Variants in C8orf34 observed in about 807,000 individuals in gnomAD.
The protein encoded by C8orf34 is uncharacterized protein C8orf34.
C8orf34 carries 65 observed loss-of-function variants against 68.3 expected under a neutral mutation model. The observed-to-expected ratio is 0.95, with a 90% confidence interval of 0.78 to 1.17. The LOEUF (loss-of-function observed/expected upper bound fraction) is 1.17, where lower values mean the gene tolerates loss of function less well. Among genes scored for constraint, C8orf34 ranks in the 50% most tolerant of loss-of-function variants. The probability of loss-of-function intolerance (pLI) is 0.00; values close to 1 mark genes in which losing one functional copy is unlikely to be tolerated. For missense variants in C8orf34, 664 were observed against 655.4 expected (o/e 1.01, Z -0.14); for synonymous variants, 244 against 241.2 (o/e 1.01, Z -0.11).
chr8:68,713,496 G>T (rs113625855), intron 9 of C8orf34, among the ~76,000 whole-genome samples: 1 of 151,860 alleles, frequency 6.6e-6, no homozygotes, highest in Non-Finnish European at 1.5e-5. Context: ...CCACAGAAAC[G>T]CAAAAGATTA....
chr8:68,576,494 T>A (rs1481347139), intron 7 of C8orf34, among the ~76,000 whole-genome samples: 1 of 151,680 alleles, frequency 6.6e-6, no homozygotes, highest in Non-Finnish European at 1.5e-5. Context: ...TTAGTTACTT[T>A]TTCTCAGCTA....
At chr8:68,497,833 G>A (rs1415953186) in intron 5 of C8orf34, among the ~76,000 whole-genome samples, 6 of 151,840 alleles carry the variant, frequency 4.0e-5, no homozygotes, top group Admixed American at 1.3e-4. Flanking sequence ...TCTATTTTTG[G>A]GGGGAGATGG....
chr8:68,567,313 T>C (rs1586384880), intron 7 of C8orf34, among the ~76,000 whole-genome samples: 3 of 152,258 alleles, frequency 2.0e-5, no homozygotes, highest in African/African-American at 7.2e-5. Flanking sequence ...CTGCTTGTTA[T>C]TGGTCTGTTC....
chr8:68,672,698 G>C (rs1235268028), intron 8 of C8orf34, among the ~76,000 whole-genome samples: 1 of 152,166 alleles, frequency 6.6e-6, no homozygotes, highest in African/African-American at 2.4e-5. Context: ...TAGGCTACAA[G>C]AATGACAATT....
intron 11 of C8orf34, among the ~76,000 whole-genome samples, chr8:68,780,050 T>C (rs137855394): frequency 6.6e-6 from 1 of 152,306 alleles, no homozygotes; most frequent in Non-Finnish European, 1.5e-5. Context: ...CTCACTTACA[T>C]AGTCATAAAG....
At chr8:68,748,839 G>A (rs1392563983) in intron 10 of C8orf34, among the ~76,000 whole-genome samples, 1 of 152,180 alleles carries the variant, frequency 6.6e-6, no homozygotes, top group African/African-American at 2.4e-5. Context: ...CAATTCCTCA[G>A]GGATCTAGAA....
At chr8:68,565,420 T>C (rs915066457) in intron 7 of C8orf34, among the ~76,000 whole-genome samples, 2 of 152,190 alleles carry the variant, frequency 1.3e-5, no homozygotes, top group African/African-American at 4.8e-5. Context: ...GTCAGTGCTC[T>C]TATTCCCCAG....
chr8:68,728,737 A>G (rs550745260), intron 10 of C8orf34, among the ~76,000 whole-genome samples: 79 of 152,294 alleles, frequency 5.2e-4, no homozygotes, highest in African/African-American at 1.8e-3. Context: ...CCCTTCAACA[A>G]CATGTGGGAA....
intron 7 of C8orf34, among the ~76,000 whole-genome samples, chr8:68,614,698 A>T (rs80306877): frequency 3.3e-5 from 5 of 151,964 alleles, no homozygotes; most frequent in Non-Finnish European, 7.4e-5. Flanking sequence ...GTAGCCTTGT[A>T]GTATAGTTTG....
chr8:68,580,734 GTTA>G (rs1817038512), intron 7 of C8orf34, among the ~76,000 whole-genome samples: 1 of 152,150 alleles, frequency 6.6e-6, no homozygotes, highest in Admixed American at 6.6e-5. Flanking sequence ...TTGTACCAAA[GTTA>G]TTAACTTAGT....
chr8:68,797,433 G>A (rs1824210302), intron 12 of C8orf34, among the ~76,000 whole-genome samples: 1 of 151,968 alleles, frequency 6.6e-6, no homozygotes, highest in Non-Finnish European at 1.5e-5. Context: ...CTCATTACTA[G>A]GAGTGACACA....
intron 7 of C8orf34, among the ~76,000 whole-genome samples, chr8:68,609,188 A>ACAAG (rs1817941259): frequency 6.6e-6 from 1 of 151,878 alleles, no homozygotes; most frequent in Admixed American, 6.6e-5. Flanking sequence ...AAACAAACAA[A>ACAAG]CAAAAACTTT....
intron 7 of C8orf34, among the ~76,000 whole-genome samples, chr8:68,549,255 T>TACGGCA (rs1815985929): frequency 6.6e-6 from 1 of 151,814 alleles, no homozygotes; most frequent in African/African-American, 2.4e-5. Flanking sequence ...CCACCCAATC[T>TACGGCA]ATGGCAATCT....
Position 68,794,987 on chromosome 8 carries a change from T to C in C8orf34, c.1549+7451T>C, listed in dbSNP as rs75665186. Among the ~76,000 whole-genome samples, 1,072 of 152,274 alleles carry C rather than the reference T, an allele frequency of 7.0e-3. 14 individuals carry two copies. The highest frequency in any genetic ancestry group is 0.024 in the African/African-American group (1,016 of 41,544). ...TATATTCATATACTCTATAGGTAAC[T>C]GTTAATTTTTATTTGTTCTATTTTT... On this transcript the variant is annotated intron_variant, in intron 12 of 13. Transcript: ENST00000518698.
chr8:68,335,054 T>G (rs966513168), intron 1 of C8orf34, among the ~76,000 whole-genome samples: 1 of 152,206 alleles, frequency 6.6e-6, no homozygotes, highest in Non-Finnish European at 1.5e-5. Flanking sequence ...CTGTAGTGTC[T>G]GCGGAGATCT....
intron 7 of C8orf34, among the ~76,000 whole-genome samples, chr8:68,638,365 G>T (rs1489026162): frequency 6.6e-6 from 1 of 150,546 alleles, no homozygotes; most frequent in Non-Finnish European, 1.5e-5. Flanking sequence ...TTTTATAATG[G>T]TGTCTTATAA....
intron 12 of C8orf34, among the ~76,000 whole-genome samples, chr8:68,805,511 G>A (rs767544719): frequency 3.9e-5 from 6 of 152,018 alleles, no homozygotes; most frequent in Admixed American, 2.6e-4. Context: ...ATAAATTTTG[G>A]TGCTATATTA....
intron 7 of C8orf34, among the ~76,000 whole-genome samples, chr8:68,623,270 G>C (rs1818440303): frequency 6.6e-6 from 1 of 152,136 alleles, no homozygotes; most frequent in South Asian, 2.1e-4. Flanking sequence ...TTCGTATATA[G>C]TACCTGCCTG....
At chr8:68,715,219 C>T (rs899379262) in intron 9 of C8orf34, among the ~76,000 whole-genome samples, 8 of 151,728 alleles carry the variant, frequency 5.3e-5, no homozygotes, top group African/African-American at 1.7e-4. Context: ...AGCTTAAAGA[C>T]GTCATGACCA....
Sources: allele counts gnomAD v4.1 joint callset (sites outside exome capture counted in the v4.1 genomes callset), GRCh38; gene constraint gnomAD v4.1.1; transcripts MANE v1.5; gene names NCBI Gene and HGNC (gene_info 2026-07-23, HGNC 2026-07-21).